TMEM132D: variants seen among roughly 807,000 people sequenced by gnomAD.
The protein encoded by TMEM132D is transmembrane protein 132D.
TMEM132D carries 21 observed loss-of-function variants against 62.3 expected under a neutral mutation model. The observed-to-expected ratio is 0.34, with a 90% CI of 0.24 to 0.49. TMEM132D has a LOEUF of 0.49. TMEM132D is among the 20% of genes least tolerant of loss of function. The pLI, the probability that TMEM132D is intolerant of heterozygous loss-of-function variation, is 0.99. For synonymous variants in TMEM132D, 621 were observed against 575.6 expected (o/e 1.08, Z -1.13); for missense variants, 1,346 against 1,402.8 (o/e 0.96, Z 0.65).
chr12:129,901,076 T>A (rs1875337338), intron 1 of TMEM132D, among the ~76,000 whole-genome samples: 1 of 152,112 alleles, frequency 6.6e-6, no homozygotes, highest in South Asian at 2.1e-4. Flanking sequence ...GACAATACAG[T>A]AGAAATGATA....
intron 5 of TMEM132D, among the ~76,000 whole-genome samples, chr12:129,168,723 T>G (rs1338238392): frequency 3.3e-5 from 5 of 152,212 alleles, no homozygotes; most frequent in Non-Finnish European, 7.3e-5. Context: ...TAGTGTCATC[T>G]CTGTCCTCTA....
intron 1 of TMEM132D, among the ~76,000 whole-genome samples, chr12:129,843,858 G>A (rs1196337683): frequency 1.3e-5 from 2 of 152,096 alleles, no homozygotes; most frequent in African/African-American, 4.8e-5. Flanking sequence ...AGAGGCCGAG[G>A]TGGGGGGATT....
At chr12:129,618,984 TG>T (rs1288164151) in intron 2 of TMEM132D, among the ~76,000 whole-genome samples, 4 of 152,212 alleles carry the variant, frequency 2.6e-5, no homozygotes, top group Non-Finnish European at 1.5e-5. Context: ...TTGAAAGAGT[TG>T]TTATCAGCAG....
intron 2 of TMEM132D, among the ~76,000 whole-genome samples, chr12:129,607,071 C>CTTTTT: frequency 7.0e-6 from 1 of 143,022 alleles, no homozygotes; most frequent in Non-Finnish European, 1.5e-5. Flanking sequence ...TTCTTTCTTT[C>CTTTTT]TTTTTTTTTT....
chr12:129,163,794 T>C (rs986932967), intron 5 of TMEM132D, among the ~76,000 whole-genome samples: 1 of 152,240 alleles, frequency 6.6e-6, no homozygotes, highest in African/African-American at 2.4e-5. Flanking sequence ...TCCAGTCACC[T>C]CTGTGAGGTT....
At chr12:129,236,384 G>A (rs778817085) in intron 4 of TMEM132D, among the ~76,000 whole-genome samples, 5 of 151,524 alleles carry the variant, frequency 3.3e-5, no homozygotes, top group Middle Eastern at 3.4e-3. Flanking sequence ...GCGTGGTGGC[G>A]TGCGCCTGTG....
intron 2 of TMEM132D, among the ~76,000 whole-genome samples, chr12:129,570,092 G>A (rs1877470836): frequency 1.3e-5 from 2 of 152,316 alleles, no homozygotes; most frequent in African/African-American, 2.4e-5. Context: ...GTGCCATAGT[G>A]AGTTTAATGG....
chr12:129,619,021 G>A (rs1878993199), intron 2 of TMEM132D, among the ~76,000 whole-genome samples: 2 of 152,170 alleles, frequency 1.3e-5, no homozygotes, highest in South Asian at 4.1e-4. Context: ...TTGAGATAAG[G>A]GGTTGTGAAG....
At chr12:129,416,872 C>T (rs1444430352) in intron 3 of TMEM132D, among the ~76,000 whole-genome samples, 1 of 152,146 alleles carries the variant, frequency 6.6e-6, no homozygotes, top group East Asian at 1.9e-4. Context: ...TTGAACCAGC[C>T]TTGCATCCCA....
intron 2 of TMEM132D, among the ~76,000 whole-genome samples, chr12:129,620,588 G>T (rs1485446900): frequency 6.6e-6 from 1 of 152,164 alleles, no homozygotes. Context: ...GACAGAGTGA[G>T]ACCCTGTCTA....
intron 2 of TMEM132D, among the ~76,000 whole-genome samples, chr12:129,641,581 G>A (rs1879641438): frequency 6.6e-6 from 1 of 152,138 alleles, no homozygotes; most frequent in Non-Finnish European, 1.5e-5. Context: ...TTTCCAAAAA[G>A]CCTTCCAGAG....
At chr12:129,166,712 CATAT>C (rs71970210) in intron 5 of TMEM132D, among the ~76,000 whole-genome samples, 36,983 of 104,462 alleles carry the variant, frequency 0.35, 5,145 homozygotes, top group Non-Finnish European at 0.43. Flanking sequence ...CACACACACA[CATAT>C]ACACACACAC....
chr12:129,586,100 A>C (rs191747831), intron 2 of TMEM132D, among the ~76,000 whole-genome samples: 25 of 152,306 alleles, frequency 1.6e-4, no homozygotes, highest in African/African-American at 6.0e-4. Context: ...TGGCAGAGAC[A>C]CGGCTATGTG....
At chr12:129,847,566 C>A (rs1873401532) in intron 1 of TMEM132D, among the ~76,000 whole-genome samples, 1 of 152,144 alleles carries the variant, frequency 6.6e-6, no homozygotes, top group African/African-American at 2.4e-5. Flanking sequence ...GGCATCAGCT[C>A]AAAAGGCATT....
At chr12:129,562,176 T>C (rs1877253067) in intron 2 of TMEM132D, among the ~76,000 whole-genome samples, 1 of 152,240 alleles carries the variant, frequency 6.6e-6, no homozygotes, top group Non-Finnish European at 1.5e-5. Context: ...TCCCAGGTAT[T>C]TGAGTGTGGA....
chr12:129,252,919 T>G (rs1322249601), intron 4 of TMEM132D, among the ~76,000 whole-genome samples: 1 of 151,732 alleles, frequency 6.6e-6, no homozygotes, highest in Non-Finnish European at 1.5e-5. Context: ...GAAACCATCA[T>G]TCTCAGGAAA....
intron 4 of TMEM132D, among the ~76,000 whole-genome samples, chr12:129,303,140 C>T (rs113199055): frequency 0.013 from 1,936 of 150,728 alleles, 84 homozygotes; most frequent in African/African-American, 0.045. Flanking sequence ...CCCTTGCAGC[C>T]TCCACCATCA....
chr12:129,531,214 G>A lies in TMEM132D; in HGVS notation c.969-9C>T, dbSNP rs373353536. 7.5e-6 allele frequency: 12 copies of A among 1,604,402 alleles called. No individual in the cohort carries two copies. Among genetic ancestry groups the A allele is most frequent in the Non-Finnish European group, 1.0e-5 (12 of 1,174,864 alleles). On this transcript the variant is annotated splice_polypyrimidine_tract_variant and intron_variant, in intron 2 of 8. Transcript: ENST00000422113. ...CTTTCTTCACCTTTGCCCTGTTGGAGACAGCACGTGTGGGTCTGAGTCAGC... is the reference window on the plus strand; with the variant it reads ...CTTTCTTCACCTTTGCCCTGTTGGAAACAGCACGTGTGGGTCTGAGTCAGC...
chr12:129,311,463 C>A (rs1030626963), intron 4 of TMEM132D, among the ~76,000 whole-genome samples: 1 of 152,106 alleles, frequency 6.6e-6, no homozygotes, highest in Non-Finnish European at 1.5e-5. Flanking sequence ...ATTTTGAATG[C>A]CCACAATGTT....
Sources: gnomAD v4.1 joint callset for allele counts (sites outside exome capture counted in the v4.1 genomes callset) on GRCh38, gnomAD v4.1.1 for gene constraint, MANE v1.5 for transcripts, NCBI Gene and HGNC (gene_info 2026-07-23, HGNC 2026-07-21) for gene names.